ABCD4: variants seen among roughly 807,000 people sequenced by gnomAD.
ABCD4 encodes the protein ATP binding cassette subfamily D member 4.
Under a neutral mutation model 86.3 loss-of-function variants are expected in ABCD4, and 53 were observed. The ratio of observed to expected loss-of-function variants is 0.61; its 90% confidence interval spans 0.49 to 0.77. The LOEUF is 0.77. ABCD4 is among the 30% of genes least tolerant of loss of function. ABCD4 has a pLI of 0.00. For missense variants in ABCD4, 757 were observed against 764.5 expected (o/e 0.99, Z 0.12); for synonymous variants, 328 against 313.6 (o/e 1.05, Z -0.49).
rs1334812141 is a variant in ABCD4, at chr14:74,290,454, G to A, written c.1164C>T (p.Leu388=). ...GGGCAGAGATGGAGACCCGCTCAAG[G>A]AGAAATGCTGTGTCTGCTGGCTCTG... The part of the protein sequence containing the change: ...PAAEPADTAF[L]LERVSISAPS... Residue 388 remains leucine (L), a synonymous_variant, in exon 12 of 19, where the codon CTC becomes CTT. Coordinates refer to ENST00000356924, the MANE Select transcript of ABCD4 (RefSeq NM_005050.4). 6 of 1,614,060 alleles carry A rather than the reference G, an allele frequency of 3.7e-6. No homozygotes were observed. Among genetic ancestry groups the A allele is most frequent in the African/African-American group, 1.3e-5 (1 of 75,026 alleles).
At chr14:74,298,576 C>T (rs2083485066) in intron 3 of ABCD4, among the ~76,000 whole-genome samples, 1 of 152,122 alleles carries the variant, frequency 6.6e-6, no homozygotes, top group Non-Finnish European at 1.5e-5. Flanking sequence ...CAGCCTCCTT[C>T]ACCAAATATT....
At chr14:74,300,103 C>G (rs1405505557) in intron 2 of ABCD4, 47 bp downstream of exon 2, 1 of 1,050,986 alleles carries the variant, frequency 9.5e-7, no homozygotes, top group Admixed American at 2.3e-5. Flanking sequence ...AAAGGGACCC[C>G]AAACCAGAGC....
At position 74,286,270 on chromosome 14, in the gene ABCD4, T is replaced by C. The variant is rs930034094; in HGVS notation, c.*191A>G. ...CCTGGGAGACTGAACACTGGGAGAT[T>C]CAGTGTCCCCCACAGAAACCTAGAC... is the stretch of plus-strand genomic sequence containing the variant. On this transcript the variant is annotated 3_prime_UTR_variant, in exon 19 of 19. Transcript: ENST00000356924. 1.5e-5 allele frequency: 9 copies of C among 598,444 alleles called. No individual in the cohort carries two copies. In the African/African-American group the frequency reaches 1.7e-4, roughly 11 times the overall value. 37.1% of individuals were successfully genotyped at this position (598,444 alleles called of 1,614,324 possible). A position where few individuals can be genotyped will look rare whatever the true frequency, so the allele number is the denominator to read the frequency against.
chr14:74,302,772 C>G, intron 1 of ABCD4, 103 bp downstream of exon 1: 1 of 1,277,192 alleles, frequency 7.8e-7, no homozygotes. Context: ...GGGGGCGAGA[C>G]GGGGGCGCCA....
intron 17 of ABCD4, among the ~76,000 whole-genome samples, 175 bp from the exon 18 acceptor site, chr14:74,286,991 C>T (rs931082688): frequency 2.6e-5 from 4 of 152,214 alleles, no homozygotes; most frequent in African/African-American, 9.6e-5. Flanking sequence ...GGGCCAGACT[C>T]TCCAAGGGAA....
intron 1 of ABCD4, among the ~76,000 whole-genome samples, chr14:74,301,295 G>A (rs1444401684): frequency 6.6e-6 from 1 of 151,982 alleles, no homozygotes; most frequent in Non-Finnish European, 1.5e-5. Flanking sequence ...TAGTGGCTGG[G>A]AGTACGGGCG....
chr14:74,298,820 C>CAGA (rs1410595568), intron 3 of ABCD4, among the ~76,000 whole-genome samples: 66 of 152,198 alleles, frequency 4.3e-4, no homozygotes, highest in Non-Finnish European at 2.9e-4. Context: ...CACAGCCTGG[C>CAGA]AGACAGCATT....
intron 7 of ABCD4, 21 bp downstream of exon 7, chr14:74,295,127 G>C: frequency 6.2e-7 from 1 of 1,613,868 alleles, no homozygotes; most frequent in Non-Finnish European, 8.5e-7. Flanking sequence ...GGCAGAAGGG[G>C]AACCATCTCT....
At position 74,295,193 on chromosome 14, in the gene ABCD4, T is replaced by C. The variant is rs1464985845; in HGVS notation, c.674A>G (p.Lys225Arg). The change falls in exon 7 of 19, where the codon AAG (lysine) becomes AGG (arginine). Residue 225 changes from lysine to arginine, a missense_variant. Physicochemically the swap from Lys to Arg is conservative, Grantham distance 26 (BLOSUM62 2). Coordinates refer to ENST00000356924, the MANE Select transcript of ABCD4 (RefSeq NM_005050.4). The stretch of plus-strand genomic sequence containing the variant: ...CGCATTCACCCGAATCTGCATGTGC[T>C]TGAACCTGGGCGGACCAAAGGGAAA... Reference protein sequence around the residue: ...QEKLEGDFRFKHMQIRVNAEP... With the variant: ...QEKLEGDFRFRHMQIRVNAEP... 6.2e-7 allele frequency: 1 copy of C among 1,614,210 alleles called. No homozygotes were observed. The highest frequency in any genetic ancestry group is 8.5e-7 in the Non-Finnish European group (1 of 1,180,028).
At chr14:74,298,335 G>C (rs1368930934) in intron 3 of ABCD4, among the ~76,000 whole-genome samples, 1 of 152,046 alleles carries the variant, frequency 6.6e-6, no homozygotes, top group Non-Finnish European at 1.5e-5. Flanking sequence ...GCAATGGCGC[G>C]ATCTTGGCTC....
chr14:74,293,389 C>A, intron 7 of ABCD4, 141 bp from the exon 8 acceptor site: 1 of 671,812 alleles, frequency 1.5e-6, no homozygotes, highest in Non-Finnish European at 2.5e-6. Context: ...ACTGGTAGCG[C>A]CCATTCACGG....
Position 74,292,815 on chromosome 14 carries a change from G to T in ABCD4, c.869C>A (p.Ala290Glu). The T allele has an allele frequency of 1.2e-6, 2 of 1,614,194 alleles. No individual in the cohort carries two copies. The highest frequency in any genetic ancestry group is 4.5e-5 in the East Asian group (2 of 44,872). Reference sequence around the variant, plus strand: ...ATAGACCCCGCTGAAAATGGGGATTGCGATGACAACGTAACTCAGGATGCT... The same window carrying T: ...ATAGACCCCGCTGAAAATGGGGATTTCGATGACAACGTAACTCAGGATGCT... ...LGSILSYVVI[A>E]IPIFSGVYGD... is the part of the protein sequence containing the mutation. The change falls in exon 9 of 19, where the codon GCA (alanine) becomes GAA (glutamate). Residue 290 changes from alanine (A) to glutamate (E), a missense_variant. Physicochemically the swap from Ala to Glu is moderately radical, Grantham distance 107. Coordinates refer to ENST00000356924, the MANE Select transcript of ABCD4 (RefSeq NM_005050.4).
chr14:74,295,451 C>T (rs2082606899), intron 6 of ABCD4, among the ~76,000 whole-genome samples: 1 of 152,200 alleles, frequency 6.6e-6, no homozygotes. Context: ...CTGCTCACAG[C>T]ATCTCCTCCT....
At chr14:74,291,261 A>C (rs2081413866) in intron 11 of ABCD4, among the ~76,000 whole-genome samples, 1 of 152,204 alleles carries the variant, frequency 6.6e-6, no homozygotes, top group African/African-American at 2.4e-5. Context: ...TGGCAGCCTG[A>C]GCACATTAAT....
intron 1 of ABCD4, among the ~76,000 whole-genome samples, chr14:74,301,186 G>A (rs1386166750): frequency 7.4e-6 from 1 of 134,972 alleles, no homozygotes; most frequent in Non-Finnish European, 1.6e-5. Flanking sequence ...TTGAGACAAG[G>A]TCTTGCTCTG....
intron 6 of ABCD4, 75 bp from the exon 7 acceptor site, chr14:74,295,273 A>C: frequency 6.4e-7 from 1 of 1,567,664 alleles, no homozygotes; most frequent in East Asian, 2.2e-5. Context: ...CCTGGATCAC[A>C]AAGACCGCCC....
At position 74,289,515 on chromosome 14, in the gene ABCD4, A is replaced by G. The variant is rs1441467664; in HGVS notation, c.1424T>C (p.Ile475Thr). ...FTDGTLREQV[I>T]YPLKEVYPDS... ...GGGGTAGACCTCCTTCAGGGGATAT[A>G]TCACCTGAGAAAAGAAAAAAACCAC... The change falls in exon 14 of 19, where the codon ATA becomes ACA. Residue 475 changes from isoleucine to threonine, a missense_variant. By Grantham distance (89) the Ile-to-Thr change is moderately conservative. Transcript: ENST00000356924. The G allele has an allele frequency of 1.9e-6, 3 of 1,613,650 alleles. No homozygotes were observed. The Admixed American group carries it at 5.0e-5, about 27-fold the overall frequency.
At chr14:74,295,097 T>TG in intron 7 of ABCD4, 51 bp downstream of exon 7, 1 of 1,603,844 alleles carries the variant, frequency 6.2e-7, no homozygotes, top group Non-Finnish European at 8.5e-7. Flanking sequence ...TCTTTCCTTC[T>TG]CCACTCTCAG....
chr14:74,296,756 G>T, intron 4 of ABCD4: 1 of 295,724 alleles, frequency 3.4e-6, no homozygotes, highest in Admixed American at 4.7e-5. Flanking sequence ...AAAACTTGAA[G>T]GTAGATGAGC....
Sources: gnomAD v4.1 joint callset for allele counts (sites outside exome capture counted in the v4.1 genomes callset) on GRCh38, gnomAD v4.1.1 for gene constraint, MANE v1.5 for transcripts, NCBI Gene and HGNC (gene_info 2026-07-23, HGNC 2026-07-21) for gene names.